PLXDC2: variants seen among roughly 807,000 people sequenced by gnomAD.
The protein encoded by PLXDC2 is plexin domain containing 2, also known as plexin domain-containing protein 2.
In PLXDC2, 40 loss-of-function variants were observed where a neutral mutation model predicts 68.9. That is an observed-to-expected ratio of 0.58 (90% CI 0.45 to 0.76). The LOEUF (loss-of-function observed/expected upper bound fraction) is 0.76. Ranked by LOEUF, PLXDC2 falls within the 30% of genes least tolerant of loss-of-function variation. PLXDC2 has a pLI of 0.00. For synonymous variants in PLXDC2, 243 were observed against 234.2 expected (o/e 1.04, Z -0.34); for missense variants, 644 against 661.9 (o/e 0.97, Z 0.30).
chr10:20,006,131 A>C (rs1014648606), intron 2 of PLXDC2, among the ~76,000 whole-genome samples: 1 of 152,062 alleles, frequency 6.6e-6, no homozygotes, highest in African/African-American at 2.4e-5. Context: ...GCCAGCTGAG[A>C]TTCCACCACT....
chr10:19,995,872 T>G (rs1481768461), intron 1 of PLXDC2, among the ~76,000 whole-genome samples: 1 of 152,230 alleles, frequency 6.6e-6, no homozygotes. Flanking sequence ...TTATCAGATT[T>G]CCCAAAGTCT....
At chr10:20,191,985 C>T (rs1249545444) in intron 9 of PLXDC2, among the ~76,000 whole-genome samples, 1 of 151,906 alleles carries the variant, frequency 6.6e-6, no homozygotes, top group African/African-American at 2.4e-5. Flanking sequence ...TTTACTGTCA[C>T]TGAAGTCTAT....
intron 3 of PLXDC2, among the ~76,000 whole-genome samples, chr10:20,051,165 A>G (rs1446378817): frequency 6.6e-6 from 1 of 151,984 alleles, no homozygotes; most frequent in Non-Finnish European, 1.5e-5. Context: ...GTTCTCACTT[A>G]TAAGTGGAGC....
chr10:20,250,239 C>T (rs1044453294), intron 13 of PLXDC2, among the ~76,000 whole-genome samples: 5 of 144,714 alleles, frequency 3.5e-5, no homozygotes, highest in African/African-American at 7.8e-5. Context: ...CTGCACTGGT[C>T]GCAGCCTGGG....
At chr10:20,180,775 G>T (rs1834592917) in intron 9 of PLXDC2, among the ~76,000 whole-genome samples, 1 of 152,094 alleles carries the variant, frequency 6.6e-6, no homozygotes, top group Non-Finnish European at 1.5e-5. Context: ...GAGAGAATTT[G>T]AGTTAGAGGA....
chr10:20,074,581 C>G (rs1272628333), intron 4 of PLXDC2, among the ~76,000 whole-genome samples: 1 of 152,014 alleles, frequency 6.6e-6, no homozygotes, highest in Non-Finnish European at 1.5e-5. Context: ...TCTTCATTAG[C>G]TTTTCAGGAA....
At chr10:19,998,766 G>C (rs1834881112) in intron 1 of PLXDC2, among the ~76,000 whole-genome samples, 1 of 151,756 alleles carries the variant, frequency 6.6e-6, no homozygotes, top group African/African-American at 2.4e-5. Context: ...AATGGTAACA[G>C]CAAGCGAGAG....
chr10:20,243,874 C>T (rs1835552831), intron 12 of PLXDC2, among the ~76,000 whole-genome samples: 1 of 152,210 alleles, frequency 6.6e-6, no homozygotes, highest in East Asian at 1.9e-4. Context: ...GACTGGCCAA[C>T]ATGGTTTAAC....
At chr10:19,862,809 T>A (rs1348736710) in intron 1 of PLXDC2, among the ~76,000 whole-genome samples, 4 of 152,188 alleles carry the variant, frequency 2.6e-5, no homozygotes, top group African/African-American at 9.7e-5. Context: ...GTTTTGCATA[T>A]GTTTCTTTTC....
At chr10:20,228,824 G>A (rs900915001) in intron 12 of PLXDC2, among the ~76,000 whole-genome samples, 1 of 152,090 alleles carries the variant, frequency 6.6e-6, no homozygotes, top group Non-Finnish European at 1.5e-5. Context: ...ATTTCAAGGA[G>A]GAAGTAGTGA....
At chr10:20,019,919 T>G (rs1835276305) in intron 2 of PLXDC2, among the ~76,000 whole-genome samples, 1 of 152,078 alleles carries the variant, frequency 6.6e-6, no homozygotes, top group Non-Finnish European at 1.5e-5. Flanking sequence ...CTCATGAAAC[T>G]TCCATCCGTT....
intron 4 of PLXDC2, among the ~76,000 whole-genome samples, chr10:20,112,477 C>G (rs990660951): frequency 6.6e-6 from 1 of 152,192 alleles, no homozygotes; most frequent in African/African-American, 2.4e-5. Context: ...CCCTTGAGCT[C>G]TGACTCGATG....
chr10:19,921,116 T>TA (rs1833455604), intron 1 of PLXDC2, among the ~76,000 whole-genome samples: 1 of 148,870 alleles, frequency 6.7e-6, no homozygotes, highest in African/African-American at 2.4e-5. Context: ...CTTCTTCTTT[T>TA]TTTTTTTTTT....
chr10:20,024,827 T>A (rs1835369790), intron 2 of PLXDC2, among the ~76,000 whole-genome samples: 1 of 152,170 alleles, frequency 6.6e-6, no homozygotes, highest in Admixed American at 6.6e-5. Context: ...GTATTTGTTT[T>A]TCTGTTCCTG....
At chr10:19,823,828 GT>G (rs1182927110) in intron 1 of PLXDC2, among the ~76,000 whole-genome samples, 2 of 151,940 alleles carry the variant, frequency 1.3e-5, no homozygotes, top group East Asian at 3.9e-4. Flanking sequence ...CATCTCTACA[GT>G]TTTTTTGTTT....
rs561073519 is a variant in PLXDC2, at chr10:20,066,676, G to T, written c.472-1494G>T. 2.6e-5 allele frequency among the ~76,000 whole-genome samples: 4 copies of T among 152,230 alleles called. No individual in the cohort carries two copies. In the South Asian group the frequency reaches 8.3e-4, roughly 32 times the overall value. ...TAAACCTTTTATGAAGATGAGGCTT[G>T]CATTAAAAAGAAAACCTAATTGAAA... On this transcript the variant is annotated intron_variant, in intron 3 of 13. Coordinates refer to ENST00000377252, the MANE Select transcript of PLXDC2 (RefSeq NM_032812.9).
Position 19,896,343 on chromosome 10 carries a change from G to C in PLXDC2, c.112+79152G>C, listed in dbSNP as rs933794670. Among the ~76,000 whole-genome samples the C allele has an allele frequency of 2.0e-5, 3 of 152,236 alleles. No homozygotes were observed. In the East Asian group the frequency reaches 5.8e-4, roughly 29 times the overall value. On this transcript the variant is annotated intron_variant, in intron 1 of 13. Transcript: ENST00000377252. The stretch of plus-strand genomic sequence containing the variant: ...AGAGAATTGCAAGAATTGCAGTTCA[G>C]AGCTTGAATACTAACACAGAGCTAG...
intron 10 of PLXDC2, among the ~76,000 whole-genome samples, chr10:20,216,974 G>A (rs1157613091): frequency 2.0e-5 from 3 of 152,210 alleles, no homozygotes; most frequent in Non-Finnish European, 4.4e-5. Context: ...GTAGTATGGG[G>A]AAGTTAGCAA....
At chr10:20,247,295 A>AT (rs1835610156) in intron 13 of PLXDC2, among the ~76,000 whole-genome samples, 2 of 121,058 alleles carry the variant, frequency 1.7e-5, no homozygotes, top group Admixed American at 8.2e-5. Context: ...CTTCATCTCT[A>AT]CAAAAAAAAA....
Sources: gnomAD v4.1 joint callset for allele counts (sites outside exome capture counted in the v4.1 genomes callset) on GRCh38, gnomAD v4.1.1 for gene constraint, MANE v1.5 for transcripts, NCBI Gene and HGNC (gene_info 2026-07-23, HGNC 2026-07-21) for gene names.